ZFAND1: variants seen among roughly 807,000 people sequenced by gnomAD.
ZFAND1 encodes the protein zinc finger AN1-type containing 1, also known as AN1-type zinc finger protein 1.
ZFAND1 carries 40 observed loss-of-function variants against 38.5 expected under a neutral mutation model. The ratio of observed to expected loss-of-function variants is 1.04; its 90% CI spans 0.81 to 1.35. The LOEUF (loss-of-function observed/expected upper bound fraction) is 1.35. Ranked by LOEUF, ZFAND1 falls within the 40% of genes most tolerant of loss-of-function variation. The pLI, the probability that ZFAND1 is intolerant of heterozygous loss-of-function variation, is 0.00. For missense variants in ZFAND1, 346 were observed against 316.3 expected (o/e 1.09, Z -0.71); for synonymous variants, 117 against 103.6 (o/e 1.13, Z -0.78).
In ZFAND1 at chr8:81,713,953, T is replaced by C; in HGVS notation, c.445A>G (p.Lys149Glu). The change falls in exon 6 of 8, where the codon AAG becomes GAG. Residue 149 changes from lysine to glutamate, a missense_variant. Lys to Glu is a moderately conservative substitution (Grantham distance 56). Transcript: ENST00000220669. ...TAAKVALMKL[K>E]MHADGDKSLP... Reference sequence around the variant, plus strand: ...GACTTATCGCCATCAGCATGCATCTTTAATTTCATCAATGCAACCTTTGCA... The same window carrying C: ...GACTTATCGCCATCAGCATGCATCTCTAATTTCATCAATGCAACCTTTGCA... The C allele has an allele frequency of 6.2e-7, 1 of 1,612,884 alleles. No individual in the cohort carries two copies. Among genetic ancestry groups the C allele is most frequent in the Non-Finnish European group, 8.5e-7 (1 of 1,179,712 alleles).
chr8:81,712,328 T>C (rs1242007004), intron 6 of ZFAND1, among the ~76,000 whole-genome samples: 1 of 152,134 alleles, frequency 6.6e-6, no homozygotes, highest in East Asian at 1.9e-4. Flanking sequence ...GTCAGAAACA[T>C]GATTAAGATT....
Position 81,703,040 on chromosome 8 carries a change from T to A in ZFAND1, c.565A>T (p.Ile189Phe). 1 of 1,582,554 alleles carries A rather than the reference T, an allele frequency of 6.3e-7. No individual in the cohort carries two copies. The highest frequency in any genetic ancestry group is 2.3e-5 in the East Asian group (1 of 44,178). The change falls in exon 7 of 8, where the codon ATT (isoleucine) becomes TTT (phenylalanine). Residue 189 changes from isoleucine to phenylalanine, a missense_variant. By Grantham distance (21) the Ile-to-Phe change is conservative. Coordinates refer to ENST00000220669, the MANE Select transcript of ZFAND1 (RefSeq NM_024699.3). ...KPMFFCHRWS[I>F]GKAIDFAASL... is the part of the protein sequence containing the mutation. ...GCGGCAAAGTCTATGGCCTTTCCAA[T>A]GCTCCATCGGTGGCAAAAGAACATT...
chr8:81,717,834 T>C (rs1248670109), intron 2 of ZFAND1, among the ~76,000 whole-genome samples: 4 of 152,096 alleles, frequency 2.6e-5, no homozygotes, highest in African/African-American at 9.6e-5. Flanking sequence ...TGATTCCTAT[T>C]TTAAGGCATT....
At chr8:81,719,150 C>A (rs780247707) in intron 1 of ZFAND1, among the ~76,000 whole-genome samples, 1 of 152,038 alleles carries the variant, frequency 6.6e-6, no homozygotes, top group Non-Finnish European at 1.5e-5. Context: ...CAATTAACTT[C>A]TTTTGAGTAT....
intron 6 of ZFAND1, among the ~76,000 whole-genome samples, chr8:81,704,362 C>T (rs568311383): frequency 3.2e-4 from 49 of 152,130 alleles, no homozygotes; most frequent in Middle Eastern, 3.4e-3. Flanking sequence ...CATGGTAAAA[C>T]TCCATCTCTA....
intron 6 of ZFAND1, among the ~76,000 whole-genome samples, chr8:81,711,240 C>T (rs988570145): frequency 6.6e-6 from 1 of 151,988 alleles, no homozygotes; most frequent in Non-Finnish European, 1.5e-5. Flanking sequence ...GGTGAAATCC[C>T]ATCTCTACTA....
In ZFAND1 at chr8:81,702,230, T is replaced by G. The variant is rs1350577641; in HGVS notation, c.*465A>C. On this transcript the variant is annotated 3_prime_UTR_variant, in exon 8 of 8. Coordinates refer to ENST00000220669, the MANE Select transcript of ZFAND1 (RefSeq NM_024699.3). ...ACTTTCTGGCTCCATGATGCTAGGC[T>G]TGGCCACATGACTTGCTTAAAGCAC... 1 of 152,532 alleles carries G rather than the reference T, an allele frequency of 6.6e-6. No individual in the cohort carries two copies. The highest frequency in any genetic ancestry group is 2.4e-5 in the African/African-American group (1 of 41,482). 9.4% of individuals were successfully genotyped at this position (152,532 alleles called of 1,614,324 possible). A position where few individuals can be genotyped will look rare whatever the true frequency, so the allele number is the denominator to read the frequency against.
chr8:81,704,166 G>C (rs542873518), intron 6 of ZFAND1, among the ~76,000 whole-genome samples: 1 of 151,952 alleles, frequency 6.6e-6, no homozygotes, highest in Non-Finnish European at 1.5e-5. Context: ...ATCAACAAAA[G>C]AAAGGACTTG....
rs140919879 is a variant in ZFAND1 at position 81,713,965 on chromosome 8, A to T, written c.433T>A (p.Leu145Met). ...TCAGCATGCATCTTTAATTTCATCA[A>T]TGCAACCTTTGCAGCTGTTTCACTA... The part of the protein sequence containing the change: ...KNSETAAKVA[L>M]MKLKMHADGD... Residue 145 changes from leucine (L) to methionine (M), a missense_variant, in exon 6 of 8, where the codon TTG (leucine) becomes ATG (methionine). Coordinates refer to ENST00000220669, the MANE Select transcript of ZFAND1 (RefSeq NM_024699.3). The T allele has an allele frequency of 1.2e-6, 2 of 1,612,918 alleles. No individual in the cohort carries two copies. Among genetic ancestry groups the T allele is most frequent in the African/African-American group, 1.3e-5 (1 of 74,884 alleles).
In ZFAND1 at chr8:81,714,936, A is replaced by T. The variant is rs768786175; in HGVS notation, c.267-41T>A. ...GAGTGACACTAGTTCATGTGTTTGT[A>T]TAGCACTTAAACAGATATACAAAGT... On this transcript the variant is annotated intron_variant, in intron 4 of 7. Transcript: ENST00000220669. The T allele has an allele frequency of 3.7e-6, 6 of 1,614,062 alleles. No individual in the cohort carries two copies. In the Admixed American group the frequency reaches 8.3e-5, roughly 22 times the overall value.
At chr8:81,719,710 T>A (rs1379357521) in intron 1 of ZFAND1, among the ~76,000 whole-genome samples, 1 of 152,228 alleles carries the variant, frequency 6.6e-6, no homozygotes, top group Non-Finnish European at 1.5e-5. Context: ...GATATACACT[T>A]GACGTAGTCT....
chr8:81,708,047 G>A (rs1359609340), intron 6 of ZFAND1, among the ~76,000 whole-genome samples: 2 of 152,050 alleles, frequency 1.3e-5, no homozygotes, highest in African/African-American at 2.4e-5. Flanking sequence ...TCAGGAGTTC[G>A]AGACCAGCCT....
At position 81,721,264 on chromosome 8, in the gene ZFAND1, GA is replaced by G; in HGVS notation, c.17del (p.Ile6ThrfsTer42). The G allele has an allele frequency of 1.3e-6, 2 of 1,549,268 alleles. No individual in the cohort carries two copies. Among genetic ancestry groups the G allele is most frequent in the Admixed American group, 2.0e-5 (1 of 51,062 alleles). MAELD[I>X]GQHCQVEHCR... is the part of the protein sequence containing the mutation. ...AATGCTCCACCTGGCAGTGCTGCCC[GA>G]TGTCCAACTCCGCCATCTCTCCGGC... On this transcript the variant is annotated frameshift_variant, in exon 1 of 8. Coordinates refer to ENST00000220669, the MANE Select transcript of ZFAND1 (RefSeq NM_024699.3). LOFTEE classifies it high-confidence loss of function.
At position 81,702,615 on chromosome 8, in the gene ZFAND1, A is replaced by C. The variant is rs937811433; in HGVS notation, c.*80T>G. Reference sequence around the variant, plus strand: ...AAAGCAACTTTTAAAAATTACAAAAATAGTATTTGTAGTAAAATAAATGGA... The same window carrying C: ...AAAGCAACTTTTAAAAATTACAAAACTAGTATTTGTAGTAAAATAAATGGA... On this transcript the variant is annotated 3_prime_UTR_variant, in exon 8 of 8. Transcript: ENST00000220669. 8.7e-7 allele frequency: 1 copy of C among 1,155,066 alleles called. No individual in the cohort carries two copies. Among genetic ancestry groups the C allele is most frequent in the African/African-American group, 1.6e-5 (1 of 62,552 alleles). The allele number at this position is 1,155,066 out of a possible 1,614,324, so 71.6% of individuals were successfully genotyped here.
At chr8:81,708,932 A>G (rs1585922782) in intron 6 of ZFAND1, 3 of 339,134 alleles carry the variant, frequency 8.8e-6, no homozygotes, top group African/African-American at 4.5e-5. Context: ...CAATCCGTCA[A>G]TGAAATTTGA....
intron 1 of ZFAND1, among the ~76,000 whole-genome samples, chr8:81,718,794 G>T (rs141708826): frequency 7.8e-4 from 117 of 150,102 alleles, no homozygotes; most frequent in African/African-American, 2.7e-3. Flanking sequence ...TAAGATTTAT[G>T]GTATTTCAAA....
chr8:81,719,631 T>G (rs1808415376), intron 1 of ZFAND1, among the ~76,000 whole-genome samples: 1 of 151,928 alleles, frequency 6.6e-6, no homozygotes, highest in South Asian at 2.1e-4. Context: ...GGGGAAAGAG[T>G]TAAGTCAAGA....
intron 6 of ZFAND1, among the ~76,000 whole-genome samples, chr8:81,712,807 G>A (rs140184879): frequency 0.015 from 2,249 of 152,202 alleles, 25 homozygotes; most frequent in Middle Eastern, 0.037. Context: ...CTCAAATTCA[G>A]CATAATTCCT....
intron 6 of ZFAND1, among the ~76,000 whole-genome samples, chr8:81,708,211 T>C (rs773764886): frequency 6.1e-4 from 88 of 144,364 alleles, no homozygotes; most frequent in Non-Finnish European, 9.7e-4. Context: ...GATCGCACCA[T>C]TGCGCTCCAG....
Sources: allele counts gnomAD v4.1 joint callset (sites outside exome capture counted in the v4.1 genomes callset), GRCh38; gene constraint gnomAD v4.1.1; transcripts MANE v1.5; gene names NCBI Gene and HGNC (gene_info 2026-07-23, HGNC 2026-07-21).